Variants in ARHGEF12 observed in about 807,000 individuals in gnomAD.
ARHGEF12 encodes KMT2A/ARHGEF12 fusion protein.
ARHGEF12 carries 66 observed loss-of-function variants against 211.2 expected under a neutral mutation model. That is an observed-to-expected ratio of 0.31 (90% CI 0.26 to 0.38). ARHGEF12 has a LOEUF of 0.38. Among genes scored for constraint, ARHGEF12 ranks in the 10% least tolerant of loss-of-function variants. The pLI is 1.00. For missense variants in ARHGEF12, 1,429 were observed against 1,869.5 expected (o/e 0.76, Z 4.34); for synonymous variants, 592 against 638.4 (o/e 0.93, Z 1.09).
intron 1 of ARHGEF12, chr11:120,337,700 C>T (rs959022528): frequency 1.0e-6 from 1 of 985,272 alleles, no homozygotes; most frequent in African/African-American, 1.7e-5. Context: ...GAATTTCTAC[C>T]TGTGAACTTA....
At chr11:120,443,259 A>G (rs1945938968) in intron 15 of ARHGEF12, among the ~76,000 whole-genome samples, 1 of 152,034 alleles carries the variant, frequency 6.6e-6, no homozygotes, top group Non-Finnish European at 1.5e-5. Context: ...GGCTCAAGCA[A>G]TCTGCCTGCT....
intron 1 of ARHGEF12, among the ~76,000 whole-genome samples, chr11:120,388,188 A>G (rs1486018346): frequency 2.0e-5 from 3 of 152,108 alleles, no homozygotes; most frequent in Non-Finnish European, 2.9e-5. Context: ...GTCATTATAG[A>G]TTAATTTGCA....
At chr11:120,355,472 G>A (rs1943106987) in intron 1 of ARHGEF12, among the ~76,000 whole-genome samples, 1 of 152,090 alleles carries the variant, frequency 6.6e-6, no homozygotes, top group African/African-American at 2.4e-5. Context: ...TTTTACAGAT[G>A]AGAAAAAAAC....
chr11:120,477,822 G>A (rs1476622143), intron 36 of ARHGEF12, among the ~76,000 whole-genome samples: 121 of 148,682 alleles, frequency 8.1e-4, no homozygotes, highest in African/African-American at 3.0e-3. Flanking sequence ...AGCCGAGATC[G>A]TGCCATTGCA....
chr11:120,449,769 A>C (rs1353183996), intron 21 of ARHGEF12: 2 of 151,934 alleles, frequency 1.3e-5, no homozygotes, highest in African/African-American at 4.8e-5. Flanking sequence ...ATTCTGTCAA[A>C]TGTCCGTAAC....
chr11:120,478,378 C>T lies in ARHGEF12; in HGVS notation c.3755C>T (p.Ala1252Val). The T allele has an allele frequency of 2.5e-6, 4 of 1,613,968 alleles. No homozygotes were observed. The highest frequency in any genetic ancestry group is 3.4e-6 in the Non-Finnish European group (4 of 1,179,868). ...PVSEERWALD[A>V]LRNLGLLKQL... ...TCAGAAGAACGGTGGGCATTGGATG[C>T]ACTAAGAAATTGTAAGTTTTATTCA... Residue 1252 changes from alanine (A) to valine (V), a missense_variant, in exon 37 of 41, where the codon GCA becomes GTA. By Grantham distance (64) the Ala-to-Val change is moderately conservative (BLOSUM62 0). This residue lies in a region of ARHGEF12 where 467 missense variants were observed against 468.4 expected (regional missense o/e 1.00). Transcript: ENST00000397843.
chr11:120,394,407 A>C (rs1024954712), intron 1 of ARHGEF12, among the ~76,000 whole-genome samples: 1 of 151,622 alleles, frequency 6.6e-6, no homozygotes, highest in Non-Finnish European at 1.5e-5. Context: ...TGTTGCCCAG[A>C]CTGGTCTCAA....
intron 4 of ARHGEF12, among the ~76,000 whole-genome samples, chr11:120,416,009 C>G (rs895073836): frequency 6.6e-6 from 1 of 152,098 alleles, no homozygotes; most frequent in African/African-American, 2.4e-5. Context: ...TTCTTTGTCC[C>G]TCATCTCCTT....
chr11:120,440,051 T>C (rs1945823891), intron 12 of ARHGEF12, 78 bp from the exon 13 acceptor site: 2 of 997,380 alleles, frequency 2.0e-6, no homozygotes, highest in Non-Finnish European at 3.1e-6. Context: ...CCATGTCTTT[T>C]TGATGGGTTG....
chr11:120,374,740 A>G (rs996010022), intron 1 of ARHGEF12, among the ~76,000 whole-genome samples: 1 of 152,234 alleles, frequency 6.6e-6, no homozygotes, highest in African/African-American at 2.4e-5. Context: ...ATTTTTAAAA[A>G]ACTTTTCTTT....
At chr11:120,454,387 A>G (rs1293583400) in intron 22 of ARHGEF12, among the ~76,000 whole-genome samples, 1 of 152,238 alleles carries the variant, frequency 6.6e-6, no homozygotes, top group African/African-American at 2.4e-5. Flanking sequence ...TAAATTAGGT[A>G]GTATACTTGG....
At chr11:120,347,162 TCC>T (rs1565417034) in intron 1 of ARHGEF12, among the ~76,000 whole-genome samples, 13 of 65,376 alleles carry the variant, frequency 2.0e-4, no homozygotes, top group South Asian at 7.3e-4. Context: ...CTTCCTTCCT[TCC>T]TTCCTTCCTT....
intron 1 of ARHGEF12, among the ~76,000 whole-genome samples, chr11:120,382,111 C>G (rs1943894211): frequency 6.6e-6 from 1 of 152,132 alleles, no homozygotes; most frequent in Admixed American, 6.5e-5. Flanking sequence ...TAGTTACTTT[C>G]AGTTTTTGGC....
intron 1 of ARHGEF12, among the ~76,000 whole-genome samples, chr11:120,377,006 T>A (rs936746535): frequency 6.6e-6 from 1 of 152,214 alleles, no homozygotes; most frequent in Admixed American, 6.5e-5. Flanking sequence ...TACTCCATTG[T>A]GTATATGTAC....
intron 1 of ARHGEF12, among the ~76,000 whole-genome samples, chr11:120,348,195 G>A (rs1942826137): frequency 6.6e-6 from 1 of 152,090 alleles, no homozygotes; most frequent in Non-Finnish European, 1.5e-5. Flanking sequence ...TTCTTGGGAA[G>A]GAAAAACCAG....
Position 120,337,226 on chromosome 11 carries a change from C to G in ARHGEF12, c.-18C>G. 1 of 1,614,142 alleles carries G rather than the reference C, an allele frequency of 6.2e-7. No homozygotes were observed. Among genetic ancestry groups the G allele is most frequent in the Non-Finnish European group, 8.5e-7 (1 of 1,180,022 alleles). Reference sequence around the variant, plus strand: ...AATGCAAGTTGGATAAAAGGAGGACCTCTCGCCAAGGGCCCCAATGAGTGG... The same window carrying G: ...AATGCAAGTTGGATAAAAGGAGGACGTCTCGCCAAGGGCCCCAATGAGTGG... On this transcript the variant is annotated 5_prime_UTR_variant, in exon 1 of 41. Coordinates refer to ENST00000397843, the MANE Select transcript of ARHGEF12 (RefSeq NM_015313.3).
intron 1 of ARHGEF12, among the ~76,000 whole-genome samples, chr11:120,370,767 C>T (rs1221754309): frequency 6.6e-6 from 1 of 152,056 alleles, no homozygotes; most frequent in Non-Finnish European, 1.5e-5. Context: ...TCCCTCTCCT[C>T]CTCCCTCACT....
At chr11:120,475,220 C>A in intron 32 of ARHGEF12, 120 bp from the exon 33 acceptor site, 1 of 900,888 alleles carries the variant, frequency 1.1e-6, no homozygotes, top group East Asian at 2.7e-5. Flanking sequence ...ATATACAAGT[C>A]AATTTTTAAA....
At chr11:120,407,129 T>C (rs1459398634) in intron 2 of ARHGEF12, among the ~76,000 whole-genome samples, 5 of 152,234 alleles carry the variant, frequency 3.3e-5, no homozygotes, top group Non-Finnish European at 7.3e-5. Context: ...AATATGTGTA[T>C]GTGTACATAT....
Sources: gnomAD v4.1 joint callset for allele counts (sites outside exome capture counted in the v4.1 genomes callset) on GRCh38, gnomAD v4.1.1 for gene constraint, gnomAD v4.1.1 regional missense constraint, MANE v1.5 for transcripts, NCBI Gene and HGNC (gene_info 2026-07-23, HGNC 2026-07-21) for gene names.